Variants in PRR14L observed in about 807,000 individuals in gnomAD.
The protein encoded by PRR14L is protein PRR14L.
A neutral mutation model predicts 155.0 loss-of-function variants in PRR14L; 80 were observed. The ratio of observed to expected loss-of-function variants is 0.52; its 90% CI spans 0.43 to 0.62. The LOEUF (loss-of-function observed/expected upper bound fraction) is 0.62, where lower values mean the gene tolerates loss of function less well. Among genes scored for constraint, PRR14L ranks in the 20% least tolerant of loss-of-function variants. The pLI, the probability that PRR14L is intolerant of heterozygous loss-of-function variation, is 0.00. For missense variants in PRR14L, 2,469 were observed against 2,548.0 expected (o/e 0.97, Z 0.67); for synonymous variants, 883 against 916.0 (o/e 0.96, Z 0.65).
intron 7 of PRR14L, among the ~76,000 whole-genome samples, chr22:31,695,138 A>C (rs183912540): frequency 6.2e-4 from 95 of 152,264 alleles, no homozygotes; most frequent in South Asian, 1.0e-3. Context: ...ATATACCCCC[A>C]AAAAAAGAAC....
At chr22:31,730,539 C>A (rs1200349818) in intron 2 of PRR14L, among the ~76,000 whole-genome samples, 5 of 152,186 alleles carry the variant, frequency 3.3e-5, no homozygotes, top group Admixed American at 6.5e-5. Flanking sequence ...ACTGTCCTAT[C>A]ACGGTGTTAG....
chr22:31,696,893 T>C (rs1601494056), intron 7 of PRR14L, among the ~76,000 whole-genome samples: 1 of 152,204 alleles, frequency 6.6e-6, no homozygotes, highest in South Asian at 2.1e-4. Context: ...GGCGGGCAGA[T>C]CACATGAGGT....
intron 2 of PRR14L, among the ~76,000 whole-genome samples, chr22:31,728,736 T>A (rs971788235): frequency 5.3e-4 from 73 of 137,634 alleles, no homozygotes; most frequent in African/African-American, 1.8e-3. Context: ...AAAAAAAAAA[T>A]TCTGAACTTT....
chr22:31,703,521 A>C, intron 6 of PRR14L, 29 bp downstream of exon 6: 1 of 1,599,022 alleles, frequency 6.3e-7, no homozygotes, highest in Admixed American at 1.7e-5. Context: ...TGCCACCATC[A>C]TCTGACCCAA....
chr22:31,710,187 C>G (rs1403080251), intron 4 of PRR14L, among the ~76,000 whole-genome samples: 1 of 152,154 alleles, frequency 6.6e-6, no homozygotes, highest in Non-Finnish European at 1.5e-5. Context: ...AGAGATCCAC[C>G]TGCCTTGGCC....
chr22:31,714,143 T>A lies in PRR14L; in HGVS notation c.3696A>T (p.Leu1232=), dbSNP rs190443730. The change falls in exon 4 of 9, where the codon CTA becomes CTT. Residue 1232 remains leucine (L), a synonymous_variant. Transcript: ENST00000327423. ...TTATTTCAATGGATTTCAGGCTTCT[T>A]AGGGAAACAGAGCTTTCATCATGGC... ...MSCHDESSVS[L]RSLKSIEIMP... 2.3e-3 allele frequency: 3,574 copies of A among 1,551,618 alleles called. 49 individuals carry two copies. In the South Asian group the frequency reaches 0.023, roughly 10 times the overall value.
intron 2 of PRR14L, among the ~76,000 whole-genome samples, chr22:31,730,151 A>AG (rs1490566147): frequency 6.6e-6 from 1 of 151,594 alleles, no homozygotes; most frequent in Non-Finnish European, 1.5e-5. Context: ...AAAAAAAAAA[A>AG]AAAAATCGCC....
At chr22:31,728,481 C>T (rs1370541904) in intron 2 of PRR14L, among the ~76,000 whole-genome samples, 1 of 151,550 alleles carries the variant, frequency 6.6e-6, no homozygotes, top group Non-Finnish European at 1.5e-5. Flanking sequence ...GGCATGGTGG[C>T]GGGTGCCTGT....
In PRR14L at chr22:31,717,060, G is replaced by T. The variant is rs999034947; in HGVS notation, c.779C>A (p.Pro260His). The change falls in exon 4 of 9, where the codon CCT (proline) becomes CAT (histidine). Residue 260 changes from proline (P) to histidine (H), a missense_variant. By Grantham distance (77) the Pro-to-His change is moderately conservative. This residue lies in a region of PRR14L where 2,363 missense variants were observed against 2,371.6 expected (regional missense o/e 1.00). Transcript: ENST00000327423. The part of the protein sequence containing the change: ...VTPEPLTFVD[P>H]VLTEATPKEK... ...TTTAGGAGTTGCTTCTGTTAATACA[G>T]GGTCCACAAAGGTTAAAGGTTCTGG... 1.3e-6 allele frequency: 2 copies of T among 1,551,718 alleles called. No homozygotes were observed. Among genetic ancestry groups the T allele is most frequent in the Non-Finnish European group, 1.7e-6 (2 of 1,147,002 alleles).
chr22:31,703,562 T>G lies in PRR14L; in HGVS notation c.5988A>C (p.Pro1996=), dbSNP rs1199840147. Residue 1996 remains proline (P), a synonymous_variant, in exon 6 of 9, where the codon CCA becomes CCC. Transcript: ENST00000327423. ...AACPCPQSSP[P]EQKEAEPEKR... is the part of the protein sequence containing the mutation. ...ACTTTACACTTACCTCTTTCTGTTC[T>G]GGGGGGCTGCTCTGTGGGCAGGGGC... 11 of 1,612,988 alleles carry G rather than the reference T, an allele frequency of 6.8e-6. No individual in the cohort carries two copies. Among genetic ancestry groups the G allele is most frequent in the Non-Finnish European group, 9.3e-6 (11 of 1,179,516 alleles).
In PRR14L at chr22:31,745,853, A is replaced by ATATATATAT. The variant is rs574613169; in HGVS notation, c.-52+4139_-52+4140insATATATATA. 8.5e-4 allele frequency among the ~76,000 whole-genome samples: 124 copies of ATATATATAT among 145,986 alleles called. 1 individual carries two copies. In the South Asian group the frequency reaches 0.027, roughly 32 times the overall value. On this transcript the variant is annotated intron_variant, in intron 1 of 8. Coordinates refer to ENST00000327423, the MANE Select transcript of PRR14L (RefSeq NM_173566.3). ...GAGGGAGACTCAGTTTAAAAAAAAA[A>ATATATATAT]AAAAAAAAATATATATATATATATA...
At chr22:31,727,328 G>A (rs2074721977) in intron 2 of PRR14L, among the ~76,000 whole-genome samples, 1 of 151,558 alleles carries the variant, frequency 6.6e-6, no homozygotes, top group Non-Finnish European at 1.5e-5. Context: ...CTGCTTCCTG[G>A]GTTAAAGCGA....
rs2074639346 is a variant in PRR14L at position 31,714,031 on chromosome 22, G to A, written c.3808C>T (p.Leu1270Phe). ...GTGCAGTCCTTTACATTTTCACAAA[G>A]CATTTCACCATCTTTTGGTTTACAA... Reference protein sequence around the residue: ...NLCKPKDGEMLCENVKDCTVL... With the variant: ...NLCKPKDGEMFCENVKDCTVL... Residue 1270 changes from leucine (L) to phenylalanine (F), a missense_variant, in exon 4 of 9, where the codon CTT becomes TTT. Coordinates refer to ENST00000327423, the MANE Select transcript of PRR14L (RefSeq NM_173566.3). 6.4e-7 allele frequency: 1 copy of A among 1,550,770 alleles called. No homozygotes were observed. Among genetic ancestry groups the A allele is most frequent in the African/African-American group, 1.4e-5 (1 of 72,948 alleles).
chr22:31,731,456 T>TA (rs2074749219), intron 2 of PRR14L, among the ~76,000 whole-genome samples: 2 of 148,466 alleles, frequency 1.3e-5, no homozygotes, highest in South Asian at 4.2e-4. Context: ...TAGTCCCAGA[T>TA]ACTTGGAAGG....
chr22:31,703,986 G>A (rs1477631111), intron 5 of PRR14L, among the ~76,000 whole-genome samples: 2 of 151,468 alleles, frequency 1.3e-5, no homozygotes, highest in Non-Finnish European at 2.9e-5. Flanking sequence ...TAGTAGAGAC[G>A]GAGTTTCTCC....
At chr22:31,725,512 G>A in intron 3 of PRR14L, 26 bp downstream of exon 3, 1 of 1,458,954 alleles carries the variant, frequency 6.9e-7, no homozygotes, top group Non-Finnish European at 9.4e-7. Context: ...AGTGGATAAA[G>A]GAAGAGATTT....
In PRR14L at chr22:31,714,692, T is replaced by C; in HGVS notation, c.3147A>G (p.Thr1049=). ...FVKMSGCDES[T]EGMVDIVYTD... ...TGTAGACGATGTCTACCATACCTTC[T>C]GTGGACTCATCACAACCAGACATCT... Residue 1049 remains threonine (T), a synonymous_variant, in exon 4 of 9, where the codon ACA becomes ACG. Transcript: ENST00000327423. The C allele has an allele frequency of 6.4e-7, 1 of 1,552,342 alleles. No individual in the cohort carries two copies. The highest frequency in any genetic ancestry group is 8.7e-7 in the Non-Finnish European group (1 of 1,147,128).
chr22:31,686,604 A>AT (rs958101632), intron 8 of PRR14L, among the ~76,000 whole-genome samples: 100 of 148,990 alleles, frequency 6.7e-4, no homozygotes, highest in Admixed American at 1.2e-3. Context: ...TTTAAAAAGA[A>AT]TTTTTTTTTT....
Position 31,714,746 on chromosome 22 carries a change from C to A in PRR14L, c.3093G>T (p.Lys1031Asn). The A allele has an allele frequency of 6.4e-7, 1 of 1,552,394 alleles. No homozygotes were observed. The highest frequency in any genetic ancestry group is 8.7e-7 in the Non-Finnish European group (1 of 1,147,150). Residue 1031 changes from lysine (K) to asparagine (N), a missense_variant, in exon 4 of 9, where the codon AAG (lysine) becomes AAT (asparagine). By Grantham distance (94) the Lys-to-Asn change is moderately conservative. Around this residue, in one of 2 missense-constraint regions of PRR14L, gnomAD observed 2,363 missense variants for 2,371.6 expected, o/e 1.00. Transcript: ENST00000327423. Reference protein sequence around the residue: ...SNNSLPCGSPKKCNLKGAFVK... With the variant: ...SNNSLPCGSPNKCNLKGAFVK... ...CAAAGGCTCCTTTCAAATTGCATTTCTTTGGACTACCACAAGGTAGTGAGT... is the reference window on the plus strand; with the variant it reads ...CAAAGGCTCCTTTCAAATTGCATTTATTTGGACTACCACAAGGTAGTGAGT...
Sources: gnomAD v4.1 joint callset for allele counts (sites outside exome capture counted in the v4.1 genomes callset) on GRCh38, gnomAD v4.1.1 for gene constraint, gnomAD v4.1.1 regional missense constraint, MANE v1.5 for transcripts, NCBI Gene and HGNC (gene_info 2026-07-23, HGNC 2026-07-21) for gene names.